The following LETMD1 variants were observed in gnomAD, a reference collection of about 807,000 sequenced individuals.
LETMD1 encodes the protein LETM1 domain containing 1.
A neutral mutation model predicts 43.9 loss-of-function variants in LETMD1; 30 were observed. The observed-to-expected ratio is 0.68, with a 90% CI of 0.51 to 0.93. LETMD1 has a LOEUF of 0.93. Among genes scored for constraint, LETMD1 ranks in the 40% least tolerant of loss-of-function variants. LETMD1 has a pLI of 0.00. For missense variants in LETMD1, 413 were observed against 447.7 expected, an observed-to-expected ratio of 0.92 and a Z score of 0.70; for synonymous variants, 176 against 163.1, an observed-to-expected ratio of 1.08 and a Z score of -0.60.
chr12:51,055,690 A>AAAG, intron 4 of LETMD1, 145 bp from the exon 5 acceptor site: 1 of 422,650 alleles, frequency 2.4e-6, no homozygotes, highest in Non-Finnish European at 4.1e-6. Flanking sequence ...AAAAAAAAAA[A>AAAG]CTGAAAAAGA....
chr12:51,049,193 C>T lies in LETMD1; in HGVS notation c.274+8C>T. The T allele has an allele frequency of 6.2e-7, 1 of 1,605,790 alleles. No individual in the cohort carries two copies. The highest frequency in any genetic ancestry group is 2.2e-5 in the East Asian group (1 of 44,776). On this transcript the variant is annotated splice_region_variant and intron_variant, in intron 2 of 8. Coordinates refer to ENST00000262055, the MANE Select transcript of LETMD1 (RefSeq NM_015416.5). Reference sequence around the variant, plus strand: ...ACACAATCTTCATGAAAGGTAAAAACGAAACTACAATAGAAATTCCGGAAT... The same window carrying T: ...ACACAATCTTCATGAAAGGTAAAAATGAAACTACAATAGAAATTCCGGAAT...
chr12:51,063,550 C>T, downstream of LETMD1: 1 of 435,504 alleles, frequency 2.3e-6, no homozygotes, highest in East Asian at 3.4e-5. Flanking sequence ...ATCCCCAGAT[C>T]AAGGTAGGGC....
chr12:51,050,742 G>A (rs957919972), intron 2 of LETMD1, among the ~76,000 whole-genome samples: 8 of 151,626 alleles, frequency 5.3e-5, no homozygotes, highest in Admixed American at 3.9e-4. Flanking sequence ...AGCCGGGCGC[G>A]GTGGCTCATG....
At chr12:51,048,552 G>C in intron 1 of LETMD1, 74 bp downstream of exon 1, 1 of 1,568,228 alleles carries the variant, frequency 6.4e-7, no homozygotes, top group East Asian at 2.2e-5. Flanking sequence ...CTTGCATTCT[G>C]TCTCTTAATT....
rs976522274 is a variant in LETMD1, at chr12:51,053,790, G to A, written c.403G>A (p.Val135Ile). ...MEHLRQFRQD[V>I]TKCLFLGIIS... ...TATTTCTGCTTAGTTCCGCCAAGAC[G>A]TCACCAAGTGTCTTTTCCTAGGTAT... Residue 135 changes from valine to isoleucine, a missense_variant, in exon 4 of 9, where the codon GTC becomes ATC. Physicochemically the swap from Val to Ile is conservative, Grantham distance 29. Transcript: ENST00000262055. The A allele has an allele frequency of 1.6e-5, 26 of 1,611,676 alleles. No homozygotes were observed. Among genetic ancestry groups the A allele is most frequent in the Non-Finnish European group, 2.0e-5 (24 of 1,178,980 alleles).
In LETMD1 at chr12:51,052,208, G is replaced by A. The variant is rs200525567; in HGVS notation, c.390+1G>A. 30 of 1,613,946 alleles carry A rather than the reference G, an allele frequency of 1.9e-5. No individual in the cohort carries two copies. The highest frequency in any genetic ancestry group is 2.5e-5 in the Non-Finnish European group (29 of 1,179,936). On this transcript the variant is annotated splice_donor_variant, in intron 3 of 8. Transcript: ENST00000262055. LOFTEE classifies it high-confidence loss of function. ...CCGGGAGATGGAGCATTTGAGACAG[G>A]TATGGGCCAGGGGCAGATATCCAGA...
chr12:51,064,354 A>C, downstream of LETMD1: 1 of 1,614,162 alleles, frequency 6.2e-7, no homozygotes, highest in Non-Finnish European at 8.5e-7. Flanking sequence ...GAGCCGCTGG[A>C]ATCTTCTTCT....
rs753064538 is a variant in LETMD1 at position 51,059,375 on chromosome 12, C to T, written c.1027C>T (p.Leu343Phe). 1.2e-6 allele frequency: 2 copies of T among 1,614,214 alleles called. No homozygotes were observed. Among genetic ancestry groups the T allele is most frequent in the African/African-American group, 1.3e-5 (1 of 75,074 alleles). Residue 343 changes from leucine (L) to phenylalanine (F), a missense_variant, in exon 9 of 9, where the codon CTC becomes TTC. Physicochemically the swap from Leu to Phe is conservative, Grantham distance 22. Transcript: ENST00000262055. The stretch of plus-strand genomic sequence containing the variant: ...TGTGTTTTCAGAAGCTGAGCTGTCT[C>T]TCTTGCTGCACAACGTGGTCCTGCT... Reference protein sequence around the residue: ...SCSLKEAELSLLLHNVVLLST... With the variant: ...SCSLKEAELSFLLHNVVLLST...
At chr12:51,052,245 A>T (rs1485258715) in intron 3 of LETMD1, 38 bp downstream of exon 3, 2 of 1,607,436 alleles carry the variant, frequency 1.2e-6, no homozygotes, top group Non-Finnish European at 1.7e-6. Flanking sequence ...GTTCATGGTG[A>T]GGTAATTACA....
At chr12:51,056,608 C>T (rs752381833) in intron 7 of LETMD1, 106 bp downstream of exon 7, 4 of 955,012 alleles carry the variant, frequency 4.2e-6, no homozygotes, top group South Asian at 4.1e-5. Context: ...TTATAGAACC[C>T]AGCTTCTTTA....
chr12:51,048,465 TG>T lies in LETMD1; in HGVS notation c.115del (p.Ala39ProfsTer15), dbSNP rs1566076595. 1 of 1,613,646 alleles carries T rather than the reference TG, an allele frequency of 6.2e-7. No homozygotes were observed. On this transcript the variant is annotated frameshift_variant, in exon 1 of 9. Transcript: ENST00000262055. LOFTEE classifies it high-confidence loss of function. Reference protein sequence around the residue: ...RLQLGRSGLAWGAPRSSKLHL... With the variant: ...RLQLGRSGLAXGAPRSSKLHL... ...GCAACTTGGTCGCTCTGGCCTGGCT[TG>T]GGGGGCCCCTCGGTGAGGGACCTGT... is the stretch of plus-strand genomic sequence containing the variant.
intron 6 of LETMD1, 40 bp from the exon 7 acceptor site, chr12:51,056,310 A>G (rs370183006): frequency 1.9e-6 from 3 of 1,613,936 alleles, no homozygotes; most frequent in South Asian, 1.1e-5. Context: ...GCTTGAGCTC[A>G]TACTATTTGC....
At chr12:51,057,048 G>A (rs548109147) in intron 7 of LETMD1, 7 of 153,148 alleles carry the variant, frequency 4.6e-5, no homozygotes, top group African/African-American at 1.2e-4. Context: ...GAATACAGCC[G>A]TGAACCACTG....
chr12:51,067,626 C>A, the LETMD1 span: 2 of 1,573,718 alleles, frequency 1.3e-6, no homozygotes, highest in South Asian at 1.2e-5. This position sits in a 1 kb window ranked among gnomAD's most constrained non-coding sequence, Gnocchi z 4.1. Context: ...CACCTCACCC[C>A]GCTGACCCTG....
In LETMD1 at chr12:51,049,015, T is replaced by C. The variant is rs1243582015; in HGVS notation, c.123-19T>C. 6.2e-7 allele frequency: 1 copy of C among 1,609,448 alleles called. No homozygotes were observed. The highest frequency in any genetic ancestry group is 1.7e-5 in the Admixed American group (1 of 58,846). On this transcript the variant is annotated intron_variant, in intron 1 of 8. Coordinates refer to ENST00000262055, the MANE Select transcript of LETMD1 (RefSeq NM_015416.5). ...TTCTAGGACTGATTCCCAGATAGTC[T>C]CTTTGATCTTCCTTGTAGGTCTTCA...
In LETMD1 at chr12:51,056,460, A is replaced by G. The variant is rs1000520591; in HGVS notation, c.873A>G (p.Ala291=). 6 of 1,614,044 alleles carry G rather than the reference A, an allele frequency of 3.7e-6. No homozygotes were observed. The highest frequency in any genetic ancestry group is 5.1e-6 in the Non-Finnish European group (6 of 1,180,032). Residue 291 remains alanine (A), a synonymous_variant, in exon 7 of 9, where the codon GCA becomes GCG. Coordinates refer to ENST00000262055, the MANE Select transcript of LETMD1 (RefSeq NM_015416.5). ...TVIHQLDKAL[A]KLGIGQLTAQ... is the part of the protein sequence containing the mutation. ...TTCACCAACTGGACAAGGCTTTGGC[A>G]AAGCTGGGGATTGGCCAGCTGACTG...
chr12:51,064,546 G>A (rs1367048610), downstream of LETMD1: 3 of 1,613,498 alleles, frequency 1.9e-6, no homozygotes, highest in South Asian at 1.1e-5. Context: ...TTGCTCTCCA[G>A]CTCCAGCTTC....
intron 4 of LETMD1, among the ~76,000 whole-genome samples, chr12:51,054,831 T>C (rs1947173726): frequency 6.6e-6 from 1 of 152,222 alleles, no homozygotes. Flanking sequence ...CCAGGTGCAG[T>C]GGCTCACGCC....
At chr12:51,065,964 C>A in the LETMD1 span, among the ~76,000 whole-genome samples, 1 of 152,342 alleles carries the variant, frequency 6.6e-6, no homozygotes, top group Admixed American at 6.5e-5. Flanking sequence ...AGATAAATTT[C>A]ATTCTTAGGG....
Sources: allele counts gnomAD v4.1 joint callset (sites outside exome capture counted in the v4.1 genomes callset), GRCh38; gene constraint gnomAD v4.1.1; non-coding constraint Gnocchi (gnomAD v3.1); transcripts MANE v1.5; gene names NCBI Gene and HGNC (gene_info 2026-07-23, HGNC 2026-07-21).